BBOF1: variants seen among roughly 807,000 people sequenced by gnomAD.
BBOF1 encodes the protein basal body orientation factor 1.
In BBOF1, 62 loss-of-function variants were observed where a neutral mutation model predicts 68.0. The ratio of observed to expected loss-of-function variants is 0.91; its 90% CI spans 0.74 to 1.13. The LOEUF (loss-of-function observed/expected upper bound fraction) is 1.13. BBOF1 is among the 50% of genes most tolerant of loss of function. The probability of loss-of-function intolerance (pLI) is 0.00; values close to 1 mark genes in which losing one functional copy is unlikely to be tolerated. For synonymous variants in BBOF1, 208 were observed against 198.8 expected (o/e 1.05, Z -0.39); for missense variants, 534 against 600.1 (o/e 0.89, Z 1.15).
At chr14:74,039,430 T>C (rs751247985) in intron 4 of BBOF1, among the ~76,000 whole-genome samples, 1 of 152,048 alleles carries the variant, frequency 6.6e-6, no homozygotes, top group Non-Finnish European at 1.5e-5. Context: ...ATCTTTAGTT[T>C]TGTTTTTGTT....
chr14:74,041,174 A>G (rs1335753764), intron 5 of BBOF1, among the ~76,000 whole-genome samples: 1 of 152,070 alleles, frequency 6.6e-6, no homozygotes, highest in African/African-American at 2.4e-5. Flanking sequence ...ATGGTGGCAC[A>G]TGCCTGTAGT....
chr14:74,023,022 G>T lies in BBOF1; in HGVS notation c.163G>T (p.Asp55Tyr), dbSNP rs1566787932. The T allele has an allele frequency of 5.0e-6, 8 of 1,611,194 alleles. No homozygotes were observed. The highest frequency in any genetic ancestry group is 1.7e-5 in the Admixed American group (1 of 59,700). The change falls in exon 2 of 12, where the codon GAT (aspartate) becomes TAT (tyrosine). Residue 55 changes from aspartate (D) to tyrosine (Y), a missense_variant. By Grantham distance (160) the Asp-to-Tyr change is radical (BLOSUM62 -3). Transcript: ENST00000394009. ...VTELSRIKYRDTSRILAKSNE... is the reference protein window; with the variant it reads ...VTELSRIKYRYTSRILAKSNE... ...AGAACTCTCTAGGATTAAGTATCGTGATACTTCACGGATACTGGCAAAAAG... is the reference window on the plus strand; with the variant it reads ...AGAACTCTCTAGGATTAAGTATCGTTATACTTCACGGATACTGGCAAAAAG...
intron 5 of BBOF1, among the ~76,000 whole-genome samples, chr14:74,045,719 C>T (rs2059934109): frequency 6.6e-6 from 1 of 152,192 alleles, no homozygotes; most frequent in African/African-American, 2.4e-5. Flanking sequence ...CTACTGAGAA[C>T]AGCCTAGTCC....
chr14:74,042,698 C>A (rs35113917), intron 5 of BBOF1, among the ~76,000 whole-genome samples: 2,029 of 152,230 alleles, frequency 0.013, 45 homozygotes, highest in African/African-American at 0.045. Context: ...CTCCCACCTA[C>A]TCTGGAGACT....
chr14:74,059,754 T>C (rs2139717875), intron 11 of BBOF1: 1 of 169,684 alleles, frequency 5.9e-6, no homozygotes, highest in East Asian at 1.7e-4. Flanking sequence ...TATTAATTAA[T>C]GATTGCTGAA....
intron 11 of BBOF1, chr14:74,058,956 T>G: frequency 6.5e-6 from 1 of 154,268 alleles, no homozygotes; most frequent in South Asian, 2.0e-4. Context: ...TGGTGGCGTA[T>G]GCCTGAAATC....
chr14:74,062,725 T>A (rs764916322), intron 11 of BBOF1, among the ~76,000 whole-genome samples: 6 of 152,190 alleles, frequency 3.9e-5, no homozygotes, highest in Non-Finnish European at 8.8e-5. Context: ...TGCAATCCCA[T>A]TGTTAATTTT....
intron 9 of BBOF1, among the ~76,000 whole-genome samples, chr14:74,075,534 G>A (rs889892178): frequency 6.6e-6 from 1 of 152,030 alleles, no homozygotes; most frequent in African/African-American, 2.4e-5. Flanking sequence ...GCACATGCCT[G>A]TGGTCCCAGC....
chr14:74,048,027 A>C lies in BBOF1; in HGVS notation c.745A>C (p.Asn249His), dbSNP rs1265785976. The change falls in exon 7 of 12, where the codon AAC (asparagine) becomes CAC (histidine). Residue 249 changes from asparagine (N) to histidine (H), a missense_variant. By Grantham distance (68) the Asn-to-His change is moderately conservative. Coordinates refer to ENST00000394009, the MANE Select transcript of BBOF1 (RefSeq NM_025057.3). ...HLKETDALQK[N>H]SQKLQESHTL... ...GAAGGAAACTGACGCTCTACAAAAA[A>C]ACTCCCAGAAGTTGCAAGAGAGTCA... The C allele has an allele frequency of 3.7e-6, 6 of 1,613,408 alleles. No individual in the cohort carries two copies. The African/African-American group carries it at 4.0e-5, about 11-fold the overall frequency.
Position 74,049,697 on chromosome 14 carries a change from T to A in BBOF1, c.793-5T>A. On this transcript the variant is annotated splice_region_variant and splice_polypyrimidine_tract_variant and intron_variant, in intron 7 of 11. Transcript: ENST00000394009. Reference sequence around the variant, plus strand: ...AAAAATCACCTCTCATCTTTCTGTTTTTAGGAGATCAATGATCTGTTGGTT... The same window carrying A: ...AAAAATCACCTCTCATCTTTCTGTTATTAGGAGATCAATGATCTGTTGGTT... 1.3e-6 allele frequency: 2 copies of A among 1,583,872 alleles called. No homozygotes were observed. The highest frequency in any genetic ancestry group is 2.3e-5 in the South Asian group (2 of 86,798).
intron 2 of BBOF1, among the ~76,000 whole-genome samples, chr14:74,025,107 T>C (rs2059395598): frequency 6.6e-6 from 1 of 152,152 alleles, no homozygotes; most frequent in African/African-American, 2.4e-5. Context: ...TAGTAGGTAT[T>C]ATTAAATTGC....
chr14:74,077,244 T>C (rs898070413), intron 9 of BBOF1, among the ~76,000 whole-genome samples: 3 of 152,206 alleles, frequency 2.0e-5, no homozygotes, highest in African/African-American at 7.2e-5. Flanking sequence ...AGCCCATTCC[T>C]GTCTGCTTCC....
In BBOF1 at chr14:74,038,100, C is replaced by T. The variant is rs115883558; in HGVS notation, c.496-2465C>T. On this transcript the variant is annotated intron_variant, in intron 4 of 11. Transcript: ENST00000394009. ...GATATTATATTTATTTATCATTTATCTTATCTCCCCTAATAGATTGCACTC... is the reference window on the plus strand; with the variant it reads ...GATATTATATTTATTTATCATTTATTTTATCTCCCCTAATAGATTGCACTC... 6.9e-3 allele frequency among the ~76,000 whole-genome samples: 1,049 copies of T among 151,780 alleles called. 14 individuals carry two copies. Among genetic ancestry groups the T allele is most frequent in the African/African-American group, 0.024 (1,010 of 41,408 alleles).
chr14:74,046,513 C>T (rs1427663110), intron 6 of BBOF1, among the ~76,000 whole-genome samples: 4 of 152,122 alleles, frequency 2.6e-5, no homozygotes, highest in African/African-American at 9.7e-5. Flanking sequence ...GCTGGGATTA[C>T]AGGCACCCAC....
Position 74,065,295 on chromosome 14 carries a change from T to A in BBOF1, c.*596T>A. On this transcript the variant is annotated 3_prime_UTR_variant, in exon 12 of 12. Coordinates refer to ENST00000394009, the MANE Select transcript of BBOF1 (RefSeq NM_025057.3). Reference sequence around the variant, plus strand: ...TTACAATCTGGATGGCTTCATCCAATGTTTCTGTCTCCAGAACCACAAGAA... The same window carrying A: ...TTACAATCTGGATGGCTTCATCCAAAGTTTCTGTCTCCAGAACCACAAGAA... 1.9e-6 allele frequency: 3 copies of A among 1,614,188 alleles called. No individual in the cohort carries two copies. The highest frequency in any genetic ancestry group is 2.5e-6 in the Non-Finnish European group (3 of 1,180,030).
intron 1 of BBOF1, 47 bp from the exon 2 acceptor site, chr14:74,022,869 G>C (rs752006384): frequency 3.0e-6 from 3 of 1,003,444 alleles, no homozygotes; most frequent in Non-Finnish European, 4.4e-6. Context: ...CTGCATATTA[G>C]AGTTGTATAA....
chr14:74,064,986 G>T lies in BBOF1; in HGVS notation c.*287G>T, dbSNP rs776466459. ...GAACTCTCCATTTAGAAACACAAAG[G>T]CATCAGAGACCAGTTTTAAATACCC... On this transcript the variant is annotated 3_prime_UTR_variant, in exon 12 of 12. Transcript: ENST00000394009. 3 of 1,484,994 alleles carry T rather than the reference G, an allele frequency of 2.0e-6. No homozygotes were observed. Among genetic ancestry groups the T allele is most frequent in the African/African-American group, 1.4e-5 (1 of 72,076 alleles). 92.0% of individuals were successfully genotyped at this position (1,484,994 alleles called of 1,614,324 possible). A position where few individuals can be genotyped will look rare whatever the true frequency, so the allele number is the denominator to read the frequency against.
Position 74,049,713 on chromosome 14 carries a change from T to C in BBOF1, c.804T>C (p.Asp268=). Residue 268 remains aspartate, a synonymous_variant, in exon 8 of 12, where the codon GAT becomes GAC. Coordinates refer to ENST00000394009, the MANE Select transcript of BBOF1 (RefSeq NM_025057.3). Reference sequence around the variant, plus strand: ...CTTTCTGTTTTTAGGAGATCAATGATCTGTTGGTTAAGGAAAAGATTATGC... The same window carrying C: ...CTTTCTGTTTTTAGGAGATCAATGACCTGTTGGTTAAGGAAAAGATTATGC... ...TLLLHQKEIN[D]LLVKEKIMQL... is the part of the protein sequence containing the mutation. 6.2e-7 allele frequency: 1 copy of C among 1,600,160 alleles called. No individual in the cohort carries two copies. The highest frequency in any genetic ancestry group is 8.5e-7 in the Non-Finnish European group (1 of 1,174,646).
rs940332381 is a variant in BBOF1, at chr14:74,040,637, G to T, written c.568G>T (p.Glu190Ter). ...TLRRLESRFF[E>*]EKHRLEQEAE... ...TAGAAGACTGGAAAGCAGATTTTTT[G>T]AAGAAAAGGTACAGATTATTAGGGT... Residue 190 changes from glutamate to a stop codon, truncating the protein, a stop_gained, in exon 5 of 12, where the codon GAA becomes TAA. Transcript: ENST00000394009. LOFTEE classifies it high-confidence loss of function. The T allele has an allele frequency of 8.9e-6, 14 of 1,580,314 alleles. No homozygotes were observed. The highest frequency in any genetic ancestry group is 2.3e-5 in the South Asian group (2 of 85,618).
Sources: gnomAD v4.1 joint callset for allele counts (sites outside exome capture counted in the v4.1 genomes callset) on GRCh38, gnomAD v4.1.1 for gene constraint, MANE v1.5 for transcripts, NCBI Gene and HGNC (gene_info 2026-07-23, HGNC 2026-07-21) for gene names.